Variants in IGSF21 observed in about 807,000 individuals in gnomAD.
The protein encoded by IGSF21 is immunoglobin superfamily member 21, also known as immunoglobulin superfamily member 21.
A neutral mutation model predicts 46.8 loss-of-function variants in IGSF21; 28 were observed. The observed-to-expected ratio is 0.60, with a 90% CI of 0.44 to 0.82. IGSF21 has a LOEUF of 0.82. Ranked by LOEUF, IGSF21 falls within the 40% of genes least tolerant of loss-of-function variation. IGSF21 has a pLI of 0.00. For synonymous variants in IGSF21, 284 were observed against 273.6 expected (o/e 1.04, Z -0.38); for missense variants, 624 against 665.5 (o/e 0.94, Z 0.69).
In IGSF21 at chr1:18,359,403, G is replaced by GAAGGAAGGAAGGAAGGAA. The variant is rs2086067210; in HGVS notation, c.425-2711_425-2694dup. ...GAAAGAAAGGAAGGAAGGAAGGAAG[G>GAAGGAAGGAAGGAAGGAA]AAGGAAGGAAGGAAGGAAGGAAGGA... On this transcript the variant is annotated intron_variant, in intron 4 of 9. Coordinates refer to ENST00000251296, the MANE Select transcript of IGSF21 (RefSeq NM_032880.5). 7.0e-5 allele frequency among the ~76,000 whole-genome samples: 9 copies of GAAGGAAGGAAGGAAGGAA among 128,012 alleles called. No homozygotes were observed. The Admixed American group carries it at 7.1e-4, about 10-fold the overall frequency. 84.0% of individuals were successfully genotyped at this position (128,012 alleles called of 152,430 possible).
At chr1:18,331,053 G>A (rs1212702754) in intron 3 of IGSF21, among the ~76,000 whole-genome samples, 1 of 152,084 alleles carries the variant, frequency 6.6e-6, no homozygotes, top group Admixed American at 6.5e-5. Context: ...TGATATTGCT[G>A]TTTCATATTT....
intron 1 of IGSF21, among the ~76,000 whole-genome samples, chr1:18,149,589 C>T (rs1046229289): frequency 2.0e-5 from 3 of 152,026 alleles, no homozygotes; most frequent in Admixed American, 6.5e-5. Context: ...CTGAGCCACT[C>T]GTGCATGAGC....
chr1:18,302,964 C>T (rs2124577106), intron 3 of IGSF21, among the ~76,000 whole-genome samples: 1 of 152,298 alleles, frequency 6.6e-6, no homozygotes, highest in Non-Finnish European at 1.5e-5. Flanking sequence ...TGACACCAGC[C>T]TAGCTCCCCA....
intron 4 of IGSF21, among the ~76,000 whole-genome samples, chr1:18,351,686 A>T (rs577273603): frequency 3.3e-5 from 5 of 152,310 alleles, no homozygotes; most frequent in African/African-American, 1.2e-4. Flanking sequence ...CAAAGCTGCA[A>T]GTATGGTACC....
At chr1:18,228,792 A>C (rs2084595151) in intron 2 of IGSF21, among the ~76,000 whole-genome samples, 1 of 152,200 alleles carries the variant, frequency 6.6e-6, no homozygotes, top group South Asian at 2.1e-4. Context: ...AGGGGTTGGC[A>C]ACATTTTTTG....
At chr1:18,278,211 T>C (rs780536742) in intron 2 of IGSF21, among the ~76,000 whole-genome samples, 9 of 27,724 alleles carry the variant, frequency 3.2e-4, no homozygotes, top group Non-Finnish European at 3.2e-4. Context: ...TGCATTCATT[T>C]ATTTATTTAT....
chr1:18,363,746 C>G (rs2086129058), intron 5 of IGSF21, among the ~76,000 whole-genome samples: 1 of 147,238 alleles, frequency 6.8e-6, no homozygotes, highest in Non-Finnish European at 1.5e-5. Context: ...AGTAGAGACA[C>G]AGGTGAGGCG....
intron 7 of IGSF21, among the ~76,000 whole-genome samples, chr1:18,376,598 T>C (rs961138297): frequency 6.6e-6 from 1 of 152,222 alleles, no homozygotes; most frequent in Non-Finnish European, 1.5e-5. Flanking sequence ...TCACACCTTC[T>C]AGAACTCAGA....
chr1:18,283,551 G>A (rs1003048643), intron 2 of IGSF21, among the ~76,000 whole-genome samples: 1 of 152,040 alleles, frequency 6.6e-6, no homozygotes, highest in Non-Finnish European at 1.5e-5. Flanking sequence ...GTCCAGGGTC[G>A]TTATGGCAAC....
intron 3 of IGSF21, among the ~76,000 whole-genome samples, chr1:18,324,193 A>G (rs1447303221): frequency 6.6e-6 from 1 of 152,218 alleles, no homozygotes; most frequent in Admixed American, 6.5e-5. Context: ...GTGGGCTCCC[A>G]GCCCCATGGA....
chr1:18,155,636 C>T (rs996200040), intron 1 of IGSF21, among the ~76,000 whole-genome samples: 4 of 152,252 alleles, frequency 2.6e-5, no homozygotes, highest in African/African-American at 9.6e-5. Context: ...CTCAGCCCCT[C>T]AACCAAGTCA....
rs1370869739 is a variant in IGSF21 at position 18,378,242 on chromosome 1, G to C, written c.1334-14G>C. The C allele has an allele frequency of 1.2e-6, 2 of 1,613,264 alleles. No individual in the cohort carries two copies. The highest frequency in any genetic ancestry group is 3.3e-5 in the Admixed American group (2 of 59,974). ...GTCTGCAGGCTCTGACCCTTTCCCT[G>C]ATTCCTGGCACAGGTTCCATTGGCC... On this transcript the variant is annotated splice_polypyrimidine_tract_variant and intron_variant, in intron 9 of 9. Coordinates refer to ENST00000251296, the MANE Select transcript of IGSF21 (RefSeq NM_032880.5).
intron 1 of IGSF21, among the ~76,000 whole-genome samples, chr1:18,199,896 C>A (rs1294306775): frequency 6.8e-6 from 1 of 146,778 alleles, no homozygotes; most frequent in Non-Finnish European, 1.5e-5. Flanking sequence ...CTCCCGGCCC[C>A]CCCCTACCCC....
intron 3 of IGSF21, among the ~76,000 whole-genome samples, chr1:18,306,893 G>A (rs2085431735): frequency 6.6e-6 from 1 of 152,226 alleles, no homozygotes; most frequent in African/African-American, 2.4e-5. Flanking sequence ...CAATAGACCA[G>A]GCCCCAGGGT....
intron 1 of IGSF21, among the ~76,000 whole-genome samples, chr1:18,140,475 G>C (rs931902813): frequency 2.0e-5 from 3 of 152,208 alleles, no homozygotes; most frequent in Admixed American, 2.0e-4. Flanking sequence ...TGCCTAGAGT[G>C]GGGGCAGCTG....
chr1:18,235,330 A>T (rs565815849), intron 2 of IGSF21, among the ~76,000 whole-genome samples: 1 of 152,222 alleles, frequency 6.6e-6, no homozygotes, highest in Non-Finnish European at 1.5e-5. Context: ...TCATCAAGGA[A>T]GAAGACAAGA....
At chr1:18,376,093 C>A in intron 6 of IGSF21, 1 of 517,000 alleles carries the variant, frequency 1.9e-6, no homozygotes, top group Middle Eastern at 3.9e-4. Context: ...CCCTTGACTC[C>A]CCAGGTCCTA....
chr1:18,213,252 T>C (rs2084410493), intron 1 of IGSF21, among the ~76,000 whole-genome samples: 2 of 152,250 alleles, frequency 1.3e-5, no homozygotes, highest in Admixed American at 1.3e-4. Flanking sequence ...AAGAACGTTA[T>C]TGAATTCCCA....
intron 2 of IGSF21, among the ~76,000 whole-genome samples, chr1:18,238,394 G>A (rs1408788457): frequency 6.6e-6 from 1 of 152,188 alleles, no homozygotes; most frequent in Non-Finnish European, 1.5e-5. Flanking sequence ...CAGTCAGCCT[G>A]GATTTGTGCA....
Sources: gnomAD v4.1 joint callset for allele counts (sites outside exome capture counted in the v4.1 genomes callset) on GRCh38, gnomAD v4.1.1 for gene constraint, MANE v1.5 for transcripts, NCBI Gene and HGNC (gene_info 2026-07-23, HGNC 2026-07-21) for gene names.